The following PTPRT variants were observed in gnomAD, a reference collection of about 807,000 sequenced individuals.
PTPRT encodes the protein receptor-type tyrosine-protein phosphatase T.
Under a neutral mutation model 176.8 loss-of-function variants are expected in PTPRT, and 56 were observed. That is an observed-to-expected ratio of 0.32 (90% CI 0.26 to 0.40). The LOEUF (loss-of-function observed/expected upper bound fraction) is 0.40. PTPRT is among the 10% of genes least tolerant of loss of function. PTPRT has a pLI of 1.00. For missense variants in PTPRT, 1,540 were observed against 1,908.2 expected, an observed-to-expected ratio of 0.81 and a Z score of 3.60; for synonymous variants, 783 against 739.0, an observed-to-expected ratio of 1.06 and a Z score of -0.96.
chr20:43,043,825 G>C (rs1338123595), intron 1 of PTPRT, among the ~76,000 whole-genome samples: 1 of 152,316 alleles, frequency 6.6e-6, no homozygotes, highest in Middle Eastern at 3.4e-3. Flanking sequence ...TCATCAGCCT[G>C]AATACTGTGA....
At chr20:42,875,804 T>C (rs993899318) in intron 2 of PTPRT, among the ~76,000 whole-genome samples, 37 of 152,228 alleles carry the variant, frequency 2.4e-4, no homozygotes, top group Admixed American at 2.0e-3. Context: ...CAAGGGCACG[T>C]CCTGCCTCCA....
At chr20:42,761,049 C>T (rs1446950779) in intron 5 of PTPRT, among the ~76,000 whole-genome samples, 1 of 152,254 alleles carries the variant, frequency 6.6e-6, no homozygotes, top group East Asian at 1.9e-4. Flanking sequence ...GGCATGGAGA[C>T]AGAAATGCTC....
intron 1 of PTPRT, among the ~76,000 whole-genome samples, chr20:43,183,123 T>C (rs1414482074): frequency 6.6e-6 from 1 of 152,248 alleles, no homozygotes; most frequent in Non-Finnish European, 1.5e-5. Context: ...TTGTCAAGAC[T>C]TGATAGTCTT....
intron 13 of PTPRT, among the ~76,000 whole-genome samples, chr20:42,255,214 T>A (rs1340453907): frequency 6.6e-6 from 1 of 152,234 alleles, no homozygotes; most frequent in Non-Finnish European, 1.5e-5. Flanking sequence ...TGCGTCTAGA[T>A]GCCATCACTA....
chr20:42,056,257 T>C, the PTPRT span, among the ~76,000 whole-genome samples: 7 of 152,228 alleles, frequency 4.6e-5, no homozygotes, highest in Non-Finnish European at 1.0e-4. Context: ...CTATAATTTC[T>C]ATTCAAATAG....
chr20:42,713,523 T>C (rs1275358058), intron 6 of PTPRT, among the ~76,000 whole-genome samples: 1 of 152,188 alleles, frequency 6.6e-6, no homozygotes, highest in Non-Finnish European at 1.5e-5. Flanking sequence ...CCATTGCTCT[T>C]CAGAAATTTC....
At chr20:43,066,964 C>T (rs904559942) in intron 1 of PTPRT, among the ~76,000 whole-genome samples, 2 of 152,196 alleles carry the variant, frequency 1.3e-5, no homozygotes, top group African/African-American at 4.8e-5. Context: ...AAAATATTTG[C>T]TCTCTGGCCC....
At chr20:42,055,878 A>G in the PTPRT span, among the ~76,000 whole-genome samples, 1 of 152,074 alleles carries the variant, frequency 6.6e-6, no homozygotes, top group East Asian at 1.9e-4. Flanking sequence ...TAGGAGTGTA[A>G]TTTCTGGGGA....
chr20:42,233,089 C>T (rs2056169457), intron 15 of PTPRT, among the ~76,000 whole-genome samples: 1 of 152,186 alleles, frequency 6.6e-6, no homozygotes, highest in South Asian at 2.1e-4. Context: ...ATTCTTTAAT[C>T]ATGGTCAGTT....
intron 1 of PTPRT, among the ~76,000 whole-genome samples, chr20:42,915,422 G>C (rs1978672392): frequency 6.6e-6 from 1 of 152,196 alleles, no homozygotes; most frequent in Non-Finnish European, 1.5e-5. Flanking sequence ...GTGGGGGCCT[G>C]GCTGCTCTCC....
intron 7 of PTPRT, among the ~76,000 whole-genome samples, chr20:42,493,376 T>G (rs1186958682): frequency 2.0e-5 from 3 of 152,110 alleles, no homozygotes; most frequent in Non-Finnish European, 2.9e-5. Context: ...TTTTTAAGAC[T>G]AAGAAACTCA....
At chr20:42,706,966 G>A (rs999130821) in intron 6 of PTPRT, among the ~76,000 whole-genome samples, 2 of 152,294 alleles carry the variant, frequency 1.3e-5, no homozygotes, top group Middle Eastern at 6.8e-3. Flanking sequence ...GGGAAACAGG[G>A]AGAATGCAGT....
chr20:42,697,648 G>A lies in PTPRT; in HGVS notation c.860-19489C>T, dbSNP rs565005293. On this transcript the variant is annotated intron_variant, in intron 6 of 30. Coordinates refer to ENST00000373187, the MANE Select transcript of PTPRT (RefSeq NM_007050.6). ...GAAGCATCACTTAATAATAAAGCTCGTCCTAAAATCTACTTCTTTATTTCA... is the reference window on the plus strand; with the variant it reads ...GAAGCATCACTTAATAATAAAGCTCATCCTAAAATCTACTTCTTTATTTCA... Among the ~76,000 whole-genome samples the A allele has an allele frequency of 1.7e-3, 256 of 152,252 alleles. 3 individuals are homozygous for A. The highest frequency in any genetic ancestry group is 2.4e-3 in the Non-Finnish European group (164 of 68,006).
intron 7 of PTPRT, among the ~76,000 whole-genome samples, chr20:42,614,108 T>C (rs2074022086): frequency 1.3e-5 from 2 of 152,144 alleles, no homozygotes; most frequent in African/African-American, 4.8e-5. Context: ...ATCTGTTCCA[T>C]GCCTCTCTCC....
Position 42,393,453 on chromosome 20 carries a change from T to C in PTPRT, c.1561-41168A>G, listed in dbSNP as rs541683834. ...ACCAACCACGAAGGAATACACAAAA[T>C]GTATGCACTCATACACCTCAAACAT... On this transcript the variant is annotated intron_variant, in intron 9 of 30. Transcript: ENST00000373187. Among the ~76,000 whole-genome samples the C allele has an allele frequency of 1.8e-4, 27 of 152,208 alleles. No individual in the cohort carries two copies. The South Asian group carries it at 5.6e-3, about 32-fold the overall frequency.
At chr20:42,694,799 T>A (rs2075848076) in intron 6 of PTPRT, among the ~76,000 whole-genome samples, 1 of 6,242 alleles carries the variant, frequency 1.6e-4, no homozygotes. Flanking sequence ...TTCAAGTGTT[T>A]ATCTCATCTG....
intron 7 of PTPRT, among the ~76,000 whole-genome samples, chr20:42,641,878 C>G (rs1294514744): frequency 1.3e-5 from 2 of 152,118 alleles, no homozygotes; most frequent in Non-Finnish European, 2.9e-5. Context: ...AGTCCCAGCT[C>G]TATCTTGACT....
chr20:42,091,989 T>C (rs2425468), intron 27 of PTPRT, among the ~76,000 whole-genome samples: 88,054 of 152,066 alleles, frequency 0.58, 26,055 homozygotes, highest in African/African-American at 0.68. Context: ...AGTCTTGGGG[T>C]GGGAGGCAAG....
chr20:42,540,361 T>C (rs1483553128), intron 7 of PTPRT, among the ~76,000 whole-genome samples: 4 of 151,658 alleles, frequency 2.6e-5, no homozygotes, highest in African/African-American at 4.8e-5. Context: ...AGGAAGCTAC[T>C]AAAGAAAGTG....
Sources: gnomAD v4.1 joint callset for allele counts (sites outside exome capture counted in the v4.1 genomes callset) on GRCh38, gnomAD v4.1.1 for gene constraint, MANE v1.5 for transcripts, NCBI Gene and HGNC (gene_info 2026-07-23, HGNC 2026-07-21) for gene names.